TANC1: variants seen among roughly 807,000 people sequenced by gnomAD.
The protein encoded by TANC1 is tetratricopeptide repeat, ankyrin repeat and coiled-coil containing 1.
A neutral mutation model predicts 149.7 loss-of-function variants in TANC1; 77 were observed. That is an observed-to-expected ratio of 0.51 (90% CI 0.43 to 0.62). TANC1 has a LOEUF of 0.62. Ranked by LOEUF, TANC1 falls within the 20% of genes least tolerant of loss-of-function variation. The pLI is 0.00. For synonymous variants in TANC1, 854 were observed against 925.0 expected, an observed-to-expected ratio of 0.92 and a Z score of 1.39; for missense variants, 1,985 against 2,321.8, an observed-to-expected ratio of 0.85 and a Z score of 2.98.
intron 7 of TANC1, among the ~76,000 whole-genome samples, chr2:159,159,715 TGTGAGAGAGAGAGAGAGA>T (rs1412299551): frequency 7.9e-5 from 5 of 63,162 alleles, no homozygotes; most frequent in African/African-American, 3.0e-4. Context: ...TGTGTGTGTG[TGTGAGAGAGAGAGAGAGA>T]GAGAGAGAGA....
At chr2:159,072,870 A>G (rs2043281415) in intron 3 of TANC1, among the ~76,000 whole-genome samples, 1 of 152,038 alleles carries the variant, frequency 6.6e-6, no homozygotes, top group Non-Finnish European at 1.5e-5. Context: ...ATGACTTCCT[A>G]TTCCCAAATA....
chr2:158,987,283 T>A lies in TANC1; in HGVS notation c.-125-13797T>A, dbSNP rs527558245. 2.7e-5 allele frequency among the ~76,000 whole-genome samples: 4 copies of A among 150,780 alleles called. No individual in the cohort carries two copies. In the East Asian group the frequency reaches 7.8e-4, roughly 30 times the overall value. ...GCTCATGCCTGTGATCCCAGCAGTT[T>A]GGGAGGCTGAGGTGGGTGGATCACT... On this transcript the variant is annotated intron_variant, in intron 1 of 26. Coordinates refer to ENST00000263635, the MANE Select transcript of TANC1 (RefSeq NM_033394.3).
At chr2:159,055,014 C>G (rs986741794) in intron 2 of TANC1, among the ~76,000 whole-genome samples, 1 of 152,102 alleles carries the variant, frequency 6.6e-6, no homozygotes, top group African/African-American at 2.4e-5. Flanking sequence ...CTGGGAGTTG[C>G]GATTGCACAT....
In TANC1 at chr2:159,224,222, G is replaced by A. The variant is rs755417657; in HGVS notation, c.3679-10G>A. 21 of 1,613,922 alleles carry A rather than the reference G, an allele frequency of 1.3e-5. No individual in the cohort carries two copies. The highest frequency in any genetic ancestry group is 1.7e-5 in the Admixed American group (1 of 60,010). ...CCCAGCTGCTGCTTAGGCTTCTGCTGTCTCTGCAGGTGCTGTACCTGGTGG... is the reference window on the plus strand; with the variant it reads ...CCCAGCTGCTGCTTAGGCTTCTGCTATCTCTGCAGGTGCTGTACCTGGTGG... On this transcript the variant is annotated splice_polypyrimidine_tract_variant and intron_variant, in intron 22 of 26. Transcript: ENST00000263635.
At chr2:159,020,989 C>G (rs1301558499) in intron 2 of TANC1, among the ~76,000 whole-genome samples, 2 of 151,946 alleles carry the variant, frequency 1.3e-5, no homozygotes, top group Admixed American at 6.6e-5. Context: ...TAATGTGTCA[C>G]TCATATACAT....
intron 22 of TANC1, among the ~76,000 whole-genome samples, chr2:159,220,847 G>T (rs911669869): frequency 6.6e-6 from 1 of 152,128 alleles, no homozygotes; most frequent in Admixed American, 6.6e-5. Flanking sequence ...TTCTGAAAAT[G>T]GTAGGATTAC....
At chr2:159,171,006 G>A (rs751284937) in intron 10 of TANC1, among the ~76,000 whole-genome samples, 1 of 152,234 alleles carries the variant, frequency 6.6e-6, no homozygotes, top group Non-Finnish European at 1.5e-5. Flanking sequence ...GGCGAGGCCA[G>A]TGTTCCCTGA....
chr2:158,987,804 G>T (rs1005960268), intron 1 of TANC1, among the ~76,000 whole-genome samples: 4 of 152,142 alleles, frequency 2.6e-5, no homozygotes, highest in African/African-American at 9.7e-5. Flanking sequence ...GAATGGAGTG[G>T]ATAAAGTCAG....
Position 158,988,459 on chromosome 2 carries a change from T to C in TANC1, c.-125-12621T>C, listed in dbSNP as rs2149262542. 1.3e-5 allele frequency among the ~76,000 whole-genome samples: 2 copies of C among 152,336 alleles called. 1 individual carries two copies. Among genetic ancestry groups the C allele is most frequent in the East Asian group, 3.9e-4 (2 of 5,190 alleles). The stretch of plus-strand genomic sequence containing the variant: ...AGCAAGATTTGGGTTCATTAACTGC[T>C]TGCTGCTGATTAGTTCATTTTTCCG... On this transcript the variant is annotated intron_variant, in intron 1 of 26. Transcript: ENST00000263635.
At chr2:159,111,825 G>T (rs2047758613) in intron 4 of TANC1, among the ~76,000 whole-genome samples, 1 of 152,152 alleles carries the variant, frequency 6.6e-6, no homozygotes, top group Non-Finnish European at 1.5e-5. Flanking sequence ...TTCTATCTTG[G>T]GCTGTTTGAA....
intron 1 of TANC1, among the ~76,000 whole-genome samples, chr2:158,995,575 T>A (rs942804665): frequency 6.6e-6 from 1 of 152,104 alleles, no homozygotes; most frequent in Non-Finnish European, 1.5e-5. Context: ...CTGTCATTGC[T>A]TAAGATCTCC....
chr2:159,085,908 G>T (rs1406471466), intron 3 of TANC1, among the ~76,000 whole-genome samples: 2 of 152,236 alleles, frequency 1.3e-5, no homozygotes, highest in African/African-American at 4.8e-5. Flanking sequence ...AGTACTCAAT[G>T]TAAATCCTGT....
At position 159,230,725 on chromosome 2, in the gene TANC1, A is replaced by C. The variant is rs2060294177; in HGVS notation, c.5299A>C (p.Thr1767Pro). 6.2e-7 allele frequency: 1 copy of C among 1,614,198 alleles called. No individual in the cohort carries two copies. Among genetic ancestry groups the C allele is most frequent in the African/African-American group, 1.3e-5 (1 of 75,042 alleles). Reference protein sequence around the residue: ...SSAAGLQSANTEKPSLMQVGG... With the variant: ...SSAAGLQSANPEKPSLMQVGG... ...TGCAGCTGGCCTGCAGTCTGCTAAC[A>C]CTGAGAAGCCCTCTCTCATGCAAGT... Residue 1767 changes from threonine to proline, a missense_variant, in exon 27 of 27, where the codon ACT becomes CCT. Thr to Pro is a conservative substitution (Grantham distance 38). Around this residue, in one of 3 missense-constraint regions of TANC1, gnomAD observed 920 missense variants for 994.7 expected, o/e 0.92. Coordinates refer to ENST00000263635, the MANE Select transcript of TANC1 (RefSeq NM_033394.3). The surrounding 1 kb of genome is among the most constrained non-coding windows in gnomAD (Gnocchi z 4.4).
At chr2:159,072,614 A>G (rs2043251698) in intron 3 of TANC1, among the ~76,000 whole-genome samples, 1 of 152,198 alleles carries the variant, frequency 6.6e-6, no homozygotes, top group Non-Finnish European at 1.5e-5. Context: ...TGATACCTTA[A>G]AGAACTAACA....
chr2:159,165,638 A>AG (rs1370432041), intron 8 of TANC1, among the ~76,000 whole-genome samples: 1 of 152,264 alleles, frequency 6.6e-6, no homozygotes, highest in Admixed American at 6.5e-5. Context: ...AGTGATTAGA[A>AG]GGCAGGCTGC....
intron 5 of TANC1, among the ~76,000 whole-genome samples, chr2:159,142,791 C>A (rs1315204927): frequency 6.6e-6 from 1 of 151,376 alleles, no homozygotes; most frequent in Non-Finnish European, 1.5e-5. Context: ...AGGCCAGGCA[C>A]GATGGCTGAC....
At chr2:159,221,486 G>T (rs916812740) in intron 22 of TANC1, among the ~76,000 whole-genome samples, 3 of 152,160 alleles carry the variant, frequency 2.0e-5, no homozygotes, top group Admixed American at 6.5e-5. Flanking sequence ...TTTGACCGGT[G>T]CCTACCCTTT....
At position 159,098,123 on chromosome 2, in the gene TANC1, G is replaced by GC. The variant is rs201536030; in HGVS notation, c.259+290dup. Among the ~76,000 whole-genome samples, 484 of 152,236 alleles carry GC rather than the reference G, an allele frequency of 3.2e-3. 1 individual carries two copies. Among genetic ancestry groups the GC allele is most frequent in the African/African-American group, 0.011 (466 of 41,520 alleles). ...TGTTTTCTTGCTGATGAATTAAGGA[G>GC]CACTATACAGTTATGGCACCGACTA... On this transcript the variant is annotated intron_variant, in intron 4 of 26. Transcript: ENST00000263635.
intron 2 of TANC1, among the ~76,000 whole-genome samples, chr2:159,050,252 G>GT (rs1349052073): frequency 6.6e-6 from 1 of 152,148 alleles, no homozygotes. Context: ...CTACAGGCAT[G>GT]TGCCACCACT....
Sources: allele counts gnomAD v4.1 joint callset (sites outside exome capture counted in the v4.1 genomes callset), GRCh38; gene constraint gnomAD v4.1.1; regional missense constraint gnomAD v4.1.1; non-coding constraint Gnocchi (gnomAD v3.1); transcripts MANE v1.5; gene names NCBI Gene and HGNC (gene_info 2026-07-23, HGNC 2026-07-21).